TDP2: variants seen among roughly 807,000 people sequenced by gnomAD.
The protein encoded by TDP2 is 5'-Tyr-DNA phosphodiesterase.
Under a neutral mutation model 42.8 loss-of-function variants are expected in TDP2, and 38 were observed. That is an observed-to-expected ratio of 0.89 (90% CI 0.68 to 1.16). The LOEUF is 1.16. Among genes scored for constraint, TDP2 ranks in the 50% most tolerant of loss-of-function variants. The pLI, the probability that TDP2 is intolerant of heterozygous loss-of-function variation, is 0.00. For missense variants in TDP2, 439 were observed against 439.3 expected, an observed-to-expected ratio of 1.00 and a Z score of 0.01; for synonymous variants, 173 against 150.6, an observed-to-expected ratio of 1.15 and a Z score of -1.09.
intron 6 of TDP2, 21 bp downstream of exon 6, chr6:24,652,962 C>A: frequency 6.2e-7 from 1 of 1,610,338 alleles, no homozygotes; most frequent in South Asian, 1.1e-5. Context: ...CCTCAAACAT[C>A]AAACTGACTT....
rs906201230 is a variant in TDP2 at position 24,654,408 on chromosome 6, TCA to T, written c.636+2_636+3del. On this transcript the variant is annotated splice_donor_variant and splice_donor_region_variant and intron_variant, in intron 5 of 6. Transcript: ENST00000378198. LOFTEE classifies it high-confidence loss of function. Reference sequence around the variant, plus strand: ...AAAACACTCAATTTTTAAAAATTACTCACATGCACACATAAAAGGTTTCTCAT... The same window carrying T: ...AAAACACTCAATTTTTAAAAATTACTCATGCACACATAAAAGGTTTCTCAT... 3.0e-6 allele frequency: 4 copies of T among 1,321,072 alleles called. No homozygotes were observed. The highest frequency in any genetic ancestry group is 4.2e-6 in the Non-Finnish European group (4 of 951,818). The allele number at this position is 1,321,072 out of a possible 1,614,324, so 81.8% of individuals were successfully genotyped here.
rs1218360353 is a variant in TDP2, at chr6:24,666,520, A to G, written c.251+6T>C. ...CGGACTGGCTCCCGCTCCCCTCATC[A>G]CTTACTAGGTCTTGGGCTCAGAGAT... On this transcript the variant is annotated splice_donor_region_variant and intron_variant, in intron 2 of 6. Transcript: ENST00000378198. The G allele has an allele frequency of 9.9e-6, 16 of 1,613,464 alleles. No homozygotes were observed. The highest frequency in any genetic ancestry group is 4.0e-5 in the African/African-American group (3 of 74,880).
intron 4 of TDP2, 138 bp downstream of exon 4, chr6:24,657,674 T>C: frequency 2.4e-6 from 1 of 418,974 alleles, no homozygotes; most frequent in African/African-American, 2.1e-5. Context: ...CTTGTAGTAT[T>C]CTGTGTCTTG....
At chr6:24,654,978 C>T (rs985044080) in intron 4 of TDP2, among the ~76,000 whole-genome samples, 4 of 152,068 alleles carry the variant, frequency 2.6e-5, no homozygotes, top group African/African-American at 9.7e-5. Flanking sequence ...GCAGAGGTTG[C>T]GGTGAGCTGA....
intron 2 of TDP2, among the ~76,000 whole-genome samples, chr6:24,665,138 C>T (rs184773170): frequency 6.6e-6 from 1 of 152,284 alleles, no homozygotes; most frequent in African/African-American, 2.4e-5. Flanking sequence ...TTCTCTCAAT[C>T]CTACACTTCA....
At chr6:24,653,281 A>AT (rs1397546432) in intron 5 of TDP2, 128 bp from the exon 6 acceptor site, 1 of 948,486 alleles carries the variant, frequency 1.1e-6, no homozygotes, top group African/African-American at 1.7e-5. Context: ...AATCAGCACT[A>AT]TGCCTATCCC....
chr6:24,653,685 A>C (rs1012082741), intron 5 of TDP2, among the ~76,000 whole-genome samples: 3 of 152,222 alleles, frequency 2.0e-5, no homozygotes, highest in African/African-American at 7.2e-5. Flanking sequence ...TGCAGAATCA[A>C]GTCTAATTCT....
intron 3 of TDP2, 122 bp downstream of exon 3, chr6:24,658,439 C>A: frequency 1.4e-6 from 1 of 716,994 alleles, no homozygotes. Flanking sequence ...CTTAATTCTT[C>A]AGATGTTTCT....
At chr6:24,653,398 T>C (rs575202215) in intron 5 of TDP2, among the ~76,000 whole-genome samples, 38 of 152,318 alleles carry the variant, frequency 2.5e-4, no homozygotes, top group African/African-American at 9.1e-4. Flanking sequence ...CTTTCCCCAG[T>C]GTCCCCAGGC....
At chr6:24,654,283 C>T (rs1778023107) in intron 5 of TDP2, 129 bp downstream of exon 5, 2 of 491,790 alleles carry the variant, frequency 4.1e-6, no homozygotes, top group East Asian at 6.9e-5. Flanking sequence ...GTGTTAAAGA[C>T]TATCTAAAAG....
In TDP2 at chr6:24,657,955, C is replaced by T. The variant is rs774662352; in HGVS notation, c.426-52G>A. ...AATACCAAGTATACCATTTCATTTT[C>T]AGCTACCTAAATGAAGGAAATCCCA... is the stretch of plus-strand genomic sequence containing the variant. On this transcript the variant is annotated intron_variant, in intron 3 of 6. Coordinates refer to ENST00000378198, the MANE Select transcript of TDP2 (RefSeq NM_016614.3). The T allele has an allele frequency of 1.8e-5, 23 of 1,269,570 alleles. 1 individual carries two copies. The South Asian group carries it at 2.1e-4, about 11-fold the overall frequency. The allele number at this position is 1,269,570 out of a possible 1,614,324, so 78.6% of individuals were successfully genotyped here. A position where few individuals can be genotyped will look rare whatever the true frequency, so the allele number is the denominator to read the frequency against.
chr6:24,653,308 T>C (rs1778003191), intron 5 of TDP2, among the ~76,000 whole-genome samples, 155 bp from the exon 6 acceptor site: 1 of 152,158 alleles, frequency 6.6e-6, no homozygotes, highest in Non-Finnish European at 1.5e-5. Flanking sequence ...TCAAAAGAAG[T>C]ATTAAAGCAG....
intron 4 of TDP2, 57 bp downstream of exon 4, chr6:24,657,753 ATC>A (rs1216371468): frequency 1.3e-5 from 13 of 994,914 alleles, no homozygotes; most frequent in Non-Finnish European, 1.8e-5. Flanking sequence ...ACTTTGATTT[ATC>A]TCTTTCACTG....
At chr6:24,654,599 G>T in intron 4 of TDP2, 69 bp from the exon 5 acceptor site, 3 of 813,334 alleles carry the variant, frequency 3.7e-6, no homozygotes, top group Non-Finnish European at 2.0e-6. Flanking sequence ...CCACAAGTTT[G>T]CCTATTGAAG....
intron 2 of TDP2, 24 bp downstream of exon 2, chr6:24,666,502 G>A (rs1157603270): frequency 1.9e-6 from 3 of 1,609,398 alleles, no homozygotes; most frequent in Non-Finnish European, 2.6e-6. Context: ...GTGCGGACTG[G>A]CTCCCGCTCC....
chr6:24,661,045 G>A (rs989909036), intron 2 of TDP2, among the ~76,000 whole-genome samples: 3 of 152,152 alleles, frequency 2.0e-5, no homozygotes, highest in Admixed American at 6.5e-5. Context: ...TCTCTAGTAC[G>A]AAGTTATAAT....
intron 5 of TDP2, among the ~76,000 whole-genome samples, 162 bp from the exon 6 acceptor site, chr6:24,653,315 G>A (rs1778003216): frequency 6.6e-6 from 1 of 152,158 alleles, no homozygotes; most frequent in Non-Finnish European, 1.5e-5. Flanking sequence ...AAGTATTAAA[G>A]CAGTAACCCT....
chr6:24,661,350 C>A (rs574187012), intron 2 of TDP2, among the ~76,000 whole-genome samples: 93 of 152,248 alleles, frequency 6.1e-4, no homozygotes, highest in African/African-American at 2.1e-3. Context: ...CATCCTGTTG[C>A]TTGGGTTATA....
intron 2 of TDP2, among the ~76,000 whole-genome samples, chr6:24,665,326 C>G (rs1778213084): frequency 6.6e-6 from 1 of 152,222 alleles, no homozygotes. Flanking sequence ...GAGGATCTGA[C>G]TGGCCAGTTT....
Sources: gnomAD v4.1 joint callset for allele counts (sites outside exome capture counted in the v4.1 genomes callset) on GRCh38, gnomAD v4.1.1 for gene constraint, MANE v1.5 for transcripts, NCBI Gene and HGNC (gene_info 2026-07-23, HGNC 2026-07-21) for gene names.